The following USH2A variants were observed in gnomAD, a reference collection of about 807,000 sequenced individuals.
USH2A encodes usherin, also known as Usher syndrome 2A (autosomal recessive, mild).
Under a neutral mutation model 538.9 loss-of-function variants are expected in USH2A, and 443 were observed. That is an observed-to-expected ratio of 0.82 (90% CI 0.76 to 0.89). USH2A has a LOEUF of 0.89. Ranked by LOEUF, USH2A falls within the 40% of genes least tolerant of loss-of-function variation. The probability of loss-of-function intolerance (pLI) is 0.00; values close to 1 mark genes in which losing one functional copy is unlikely to be tolerated. For missense variants in USH2A, 6,633 were observed against 6,324.8 expected (o/e 1.05, Z -1.65); for synonymous variants, 2,413 against 2,273.5 (o/e 1.06, Z -1.75).
chr1:215,842,363 A>C (rs1479732825), intron 46 of USH2A, among the ~76,000 whole-genome samples: 1 of 152,166 alleles, frequency 6.6e-6, no homozygotes, highest in Non-Finnish European at 1.5e-5. Flanking sequence ...GTTGGTGGGA[A>C]TGTAAATTAG....
intron 64 of USH2A, among the ~76,000 whole-genome samples, chr1:215,656,662 T>C (rs955125192): frequency 6.6e-6 from 1 of 152,220 alleles, no homozygotes; most frequent in Non-Finnish European, 1.5e-5. Flanking sequence ...TTAGTAAAAG[T>C]GTTAACTGTC....
intron 27 of USH2A, among the ~76,000 whole-genome samples, chr1:216,075,163 T>C (rs1295457254): frequency 6.6e-6 from 1 of 152,040 alleles, no homozygotes; most frequent in Non-Finnish European, 1.5e-5. Context: ...CCTAGAGAGT[T>C]AGTTATAAAA....
At chr1:216,090,614 T>C (rs1389793807) in intron 22 of USH2A, among the ~76,000 whole-genome samples, 1 of 152,102 alleles carries the variant, frequency 6.6e-6, no homozygotes, top group Non-Finnish European at 1.5e-5. Flanking sequence ...ACACACCCTT[T>C]TATTTTCTTC....
chr1:216,419,652 AG>A lies in USH2A; in HGVS notation c.486-974del, dbSNP rs2039642327. On this transcript the variant is annotated intron_variant, in intron 2 of 71. Coordinates refer to ENST00000307340, the MANE Select transcript of USH2A (RefSeq NM_206933.4). ...ACTCCATTAGATCATTTAGATCATG[AG>A]TATTCTGAGGATACACACACAAACA... 2.6e-5 allele frequency among the ~76,000 whole-genome samples: 4 copies of A among 152,112 alleles called. No individual in the cohort carries two copies. In the South Asian group the frequency reaches 8.3e-4, roughly 31 times the overall value.
chr1:215,630,482 G>GTATA (rs1158726890), intron 70 of USH2A, among the ~76,000 whole-genome samples: 143 of 22,436 alleles, frequency 6.4e-3, no homozygotes, highest in South Asian at 0.012. Flanking sequence ...ATGTGTGTGT[G>GTATA]TATATATATA....
chr1:216,005,715 T>C (rs1668375356), intron 32 of USH2A, among the ~76,000 whole-genome samples: 1 of 152,162 alleles, frequency 6.6e-6, no homozygotes, highest in African/African-American at 2.4e-5. Flanking sequence ...AAGGCAAAGC[T>C]GTACCTGTCT....
intron 61 of USH2A, among the ~76,000 whole-genome samples, chr1:215,685,705 C>T (rs772151266): frequency 6.6e-6 from 1 of 151,502 alleles, no homozygotes; most frequent in Non-Finnish European, 1.5e-5. Flanking sequence ...TTTTTTACCA[C>T]GCATTAGGCA....
chr1:216,127,532 C>G (rs1209024304), intron 21 of USH2A, among the ~76,000 whole-genome samples: 1 of 152,126 alleles, frequency 6.6e-6, no homozygotes, highest in Non-Finnish European at 1.5e-5. Context: ...GGAGAAAACT[C>G]TCAGGGCAAT....
At chr1:215,849,950 A>T (rs1459199099) in intron 44 of USH2A, among the ~76,000 whole-genome samples, 1 of 150,758 alleles carries the variant, frequency 6.6e-6, no homozygotes, top group Non-Finnish European at 1.5e-5. Flanking sequence ...TTCTTATATC[A>T]CCAAACATTT....
At chr1:215,696,945 C>T (rs1558058930) in intron 61 of USH2A, among the ~76,000 whole-genome samples, 1 of 148,236 alleles carries the variant, frequency 6.7e-6, no homozygotes, top group Non-Finnish European at 1.5e-5. Context: ...ATTACACCCT[C>T]TTTTTTTTTT....
At chr1:216,231,292 C>CAG (rs371376479) in intron 14 of USH2A, among the ~76,000 whole-genome samples, 2,357 of 56,660 alleles carry the variant, frequency 0.042, 66 homozygotes, top group Middle Eastern at 0.21. Flanking sequence ...CACAGAGAGA[C>CAG]AGAGAGAGAG....
chr1:216,200,194 C>G lies in USH2A; in HGVS notation c.3317-73G>C. On this transcript the variant is annotated intron_variant, in intron 16 of 71. Coordinates refer to ENST00000307340, the MANE Select transcript of USH2A (RefSeq NM_206933.4). ...GTGAAGAATCATTGCTAACTGCTTT[C>G]CTATCATATTATTTAATTACATAAA... 2.8e-6 allele frequency: 4 copies of G among 1,440,392 alleles called. No homozygotes were observed. The South Asian group carries it at 5.0e-5, about 18-fold the overall frequency. The allele number at this position is 1,440,392 out of a possible 1,614,324, so 89.2% of individuals were successfully genotyped here.
At chr1:215,656,483 A>G (rs1001218490) in intron 64 of USH2A, among the ~76,000 whole-genome samples, 3 of 152,308 alleles carry the variant, frequency 2.0e-5, no homozygotes, top group Admixed American at 2.0e-4. Flanking sequence ...ATTTGCTATT[A>G]TTCTCCTCAT....
At chr1:215,788,388 C>T (rs1661863635) in intron 51 of USH2A, among the ~76,000 whole-genome samples, 1 of 152,046 alleles carries the variant, frequency 6.6e-6, no homozygotes, top group Non-Finnish European at 1.5e-5. Flanking sequence ...TGCAATTGTC[C>T]CCTCTTGCGC....
intron 46 of USH2A, among the ~76,000 whole-genome samples, chr1:215,840,828 C>T (rs916614591): frequency 6.6e-6 from 1 of 152,148 alleles, no homozygotes; most frequent in Non-Finnish European, 1.5e-5. Flanking sequence ...TCCTCCATCA[C>T]CTTCCTGTGT....
intron 64 of USH2A, among the ~76,000 whole-genome samples, chr1:215,655,725 CTTTTT>C (rs766225635): frequency 5.2e-5 from 5 of 96,172 alleles, no homozygotes; most frequent in East Asian, 3.4e-4. Flanking sequence ...GCTAGTTATT[CTTTTT>C]TTTTTTTTTT....
chr1:215,930,415 T>A (rs1050258152), intron 38 of USH2A, among the ~76,000 whole-genome samples: 1 of 151,860 alleles, frequency 6.6e-6, no homozygotes, highest in Non-Finnish European at 1.5e-5. Flanking sequence ...AAAAAAAAGG[T>A]TTAAGTCTGG....
intron 61 of USH2A, among the ~76,000 whole-genome samples, chr1:215,718,995 G>C (rs1050727683): frequency 3.3e-5 from 5 of 152,168 alleles, no homozygotes; most frequent in African/African-American, 1.2e-4. Context: ...TTAAAGGCCA[G>C]AAAATAGCAA....
At chr1:216,271,078 T>C (rs1228762116) in intron 11 of USH2A, among the ~76,000 whole-genome samples, 2 of 152,134 alleles carry the variant, frequency 1.3e-5, no homozygotes, top group Non-Finnish European at 2.9e-5. Context: ...CTGAGGTAGA[T>C]TGTTTCCACT....
Sources: gnomAD v4.1 joint callset for allele counts (sites outside exome capture counted in the v4.1 genomes callset) on GRCh38, gnomAD v4.1.1 for gene constraint, MANE v1.5 for transcripts, NCBI Gene and HGNC (gene_info 2026-07-23, HGNC 2026-07-21) for gene names.